The following BICD1 variants were observed in gnomAD, a reference collection of about 807,000 sequenced individuals.
BICD1 encodes the protein BICD cargo adaptor 1, also known as protein bicaudal D homolog 1.
BICD1 carries 35 observed loss-of-function variants against 92.5 expected under a neutral mutation model. That is an observed-to-expected ratio of 0.38 (90% CI 0.29 to 0.50). The LOEUF (loss-of-function observed/expected upper bound fraction) is 0.50. BICD1 is among the 20% of genes least tolerant of loss of function. BICD1 has a pLI of 0.93. For synonymous variants in BICD1, 429 were observed against 465.1 expected, an observed-to-expected ratio of 0.92 and a Z score of 1.00; for missense variants, 950 against 1,189.8, an observed-to-expected ratio of 0.80 and a Z score of 2.97.
chr12:32,159,224 C>T (rs1943530335), intron 1 of BICD1, among the ~76,000 whole-genome samples: 1 of 152,138 alleles, frequency 6.6e-6, no homozygotes, highest in African/African-American at 2.4e-5. Context: ...TGAGCCACCG[C>T]ACCTGGCTCA....
chr12:32,245,243 G>GT (rs201510925), intron 2 of BICD1, among the ~76,000 whole-genome samples: 4,097 of 119,144 alleles, frequency 0.034, 94 homozygotes, highest in East Asian at 0.1. Flanking sequence ...GCTTAGTTTT[G>GT]TTTTTTGTTT....
chr12:32,270,026 G>A, intron 2 of BICD1, among the ~76,000 whole-genome samples: 1 of 151,624 alleles, frequency 6.6e-6, no homozygotes, highest in Non-Finnish European at 1.5e-5. Flanking sequence ...GGAGGCCGAG[G>A]CAGGAGAATT....
At chr12:32,109,535 T>C (rs1941610813) in intron 1 of BICD1, 1 of 152,018 alleles carries the variant, frequency 6.6e-6, no homozygotes, top group African/African-American at 2.4e-5. Flanking sequence ...TCTATAAATA[T>C]TTTAATATAT....
At chr12:32,161,219 A>T (rs1023244348) in intron 1 of BICD1, among the ~76,000 whole-genome samples, 5 of 152,220 alleles carry the variant, frequency 3.3e-5, no homozygotes, top group Non-Finnish European at 7.3e-5. Context: ...CATAGTGCTG[A>T]GTAGTAATCT....
In BICD1 at chr12:32,128,678, A is replaced by G. The variant is rs148904640; in HGVS notation, c.213+21134A>G. Among the ~76,000 whole-genome samples the G allele has an allele frequency of 2.6e-5, 4 of 152,238 alleles. No individual in the cohort carries two copies. The East Asian group carries it at 7.7e-4, about 29-fold the overall frequency. ...TTTTTCCTATATGTTTATAGTTTAT[A>G]TTTTCAAGCCAAAATACTTGAGTTT... On this transcript the variant is annotated intron_variant, in intron 1 of 9. Transcript: ENST00000652176.
intron 2 of BICD1, among the ~76,000 whole-genome samples, chr12:32,258,889 A>C (rs1204136034): frequency 2.0e-5 from 3 of 152,210 alleles, no homozygotes; most frequent in African/African-American, 7.2e-5. Flanking sequence ...ACAGCACCAC[A>C]GGGAGGGGTT....
chr12:32,282,473 G>A (rs1465587733), intron 2 of BICD1, among the ~76,000 whole-genome samples: 2 of 152,092 alleles, frequency 1.3e-5, no homozygotes, highest in Non-Finnish European at 2.9e-5. Flanking sequence ...GAAGGCCAGG[G>A]AGGGGAGCAA....
Position 32,305,992 on chromosome 12 carries a change from C to T in BICD1, c.875C>T (p.Pro292Leu). ...DDKMNGHIHG[P>L]LVKLNGDYRT... is the part of the protein sequence containing the mutation. The stretch of plus-strand genomic sequence containing the variant: ...AAAATGAACGGTCATATCCATGGGC[C>T]TCTTGTGAAACTGAATGGAGACTAT... The change falls in exon 4 of 10, where the codon CCT becomes CTT. Residue 292 changes from proline (P) to leucine (L), a missense_variant. Coordinates refer to ENST00000652176, the MANE Select transcript of BICD1 (RefSeq NM_001714.4). 3 of 1,614,124 alleles carry T rather than the reference C, an allele frequency of 1.9e-6. No individual in the cohort carries two copies. The highest frequency in any genetic ancestry group is 2.5e-6 in the Non-Finnish European group (3 of 1,180,032).
At chr12:32,213,707 A>G (rs2121550578) in intron 1 of BICD1, among the ~76,000 whole-genome samples, 1 of 152,136 alleles carries the variant, frequency 6.6e-6, no homozygotes, top group East Asian at 1.9e-4. Context: ...CCCCCAGTGT[A>G]TTATATGAGA....
At chr12:32,216,153 C>A in intron 1 of BICD1, 94 bp from the exon 2 acceptor site, 1 of 1,277,094 alleles carries the variant, frequency 7.8e-7, no homozygotes, top group Non-Finnish European at 1.1e-6. Flanking sequence ...GCTTTTCTTA[C>A]ACATATAAGC....
intron 2 of BICD1, among the ~76,000 whole-genome samples, chr12:32,262,459 G>C (rs899055163): frequency 3.9e-5 from 6 of 152,028 alleles, no homozygotes; most frequent in Admixed American, 2.0e-4. Context: ...CAAAAAATAA[G>C]AATAAATAAG....
intron 9 of BICD1, among the ~76,000 whole-genome samples, chr12:32,373,751 G>A (rs1939824242): frequency 6.6e-6 from 1 of 151,680 alleles, no homozygotes; most frequent in Non-Finnish European, 1.5e-5. Flanking sequence ...GTTGTGGCAT[G>A]TGCCTGTAGT....
intron 3 of BICD1, among the ~76,000 whole-genome samples, chr12:32,298,639 G>T (rs1280589180): frequency 6.6e-6 from 1 of 150,882 alleles, no homozygotes; most frequent in Non-Finnish European, 1.5e-5. Flanking sequence ...GGGAGGCCGA[G>T]GCGGGCAGAT....
intron 1 of BICD1, among the ~76,000 whole-genome samples, chr12:32,148,153 G>A (rs75966643): frequency 0.039 from 1,127 of 28,924 alleles, 14 homozygotes; most frequent in Middle Eastern, 0.12. Flanking sequence ...AAAAAAAAAA[G>A]AATCTGAGAA....
intron 1 of BICD1, among the ~76,000 whole-genome samples, chr12:32,195,962 C>T (rs1423385444): frequency 1.3e-5 from 2 of 151,910 alleles, no homozygotes; most frequent in Non-Finnish European, 2.9e-5. Context: ...AACATAAAGC[C>T]CAATTTAAAA....
intron 1 of BICD1, among the ~76,000 whole-genome samples, chr12:32,168,949 C>T (rs1014090421): frequency 6.8e-5 from 7 of 102,634 alleles, no homozygotes; most frequent in African/African-American, 1.6e-4. Flanking sequence ...GCAACAAGAG[C>T]GAAACTTCAT....
chr12:32,199,222 G>A (rs12296880), intron 1 of BICD1, among the ~76,000 whole-genome samples: 17,810 of 152,244 alleles, frequency 0.12, 1,240 homozygotes, highest in African/African-American at 0.19. Flanking sequence ...ACTTACGATT[G>A]GGATTCAATC....
chr12:32,332,563 A>G (rs1408729228), intron 5 of BICD1: 5 of 570,096 alleles, frequency 8.8e-6, no homozygotes, highest in Non-Finnish European at 1.1e-5. Flanking sequence ...CCTGCCTTCC[A>G]GAAGACTCAG....
At chr12:32,142,379 C>G (rs1409238119) in intron 1 of BICD1, among the ~76,000 whole-genome samples, 6 of 131,604 alleles carry the variant, frequency 4.6e-5, no homozygotes, top group African/African-American at 1.7e-4. Flanking sequence ...ACACTTCCAG[C>G]CTGGGCAAAA....
Sources: gnomAD v4.1 joint callset for allele counts (sites outside exome capture counted in the v4.1 genomes callset) on GRCh38, gnomAD v4.1.1 for gene constraint, MANE v1.5 for transcripts, NCBI Gene and HGNC (gene_info 2026-07-23, HGNC 2026-07-21) for gene names.